The following ERC2 variants were observed in gnomAD, a reference collection of about 807,000 sequenced individuals.
ERC2 encodes ERC protein 2.
A neutral mutation model predicts 114.8 loss-of-function variants in ERC2; 42 were observed. That is an observed-to-expected ratio of 0.37 (90% CI 0.29 to 0.47). The LOEUF is 0.47. Ranked by LOEUF, ERC2 falls within the 20% of genes least tolerant of loss-of-function variation. The pLI is 0.99. For synonymous variants in ERC2, 454 were observed against 425.5 expected (o/e 1.07, Z -0.82); for missense variants, 939 against 1,150.7 (o/e 0.82, Z 2.66).
chr3:56,083,044 G>C (rs776402256), intron 6 of ERC2, among the ~76,000 whole-genome samples: 8 of 152,150 alleles, frequency 5.3e-5, no homozygotes, highest in Admixed American at 2.0e-4. Flanking sequence ...GTGCCAAAAA[G>C]GTTGGGGACT....
intron 3 of ERC2, among the ~76,000 whole-genome samples, chr3:56,241,602 A>G (rs1324562959): frequency 6.6e-6 from 1 of 152,226 alleles, no homozygotes; most frequent in Admixed American, 6.5e-5. Flanking sequence ...AAATTTCTGT[A>G]TATATGATCA....
chr3:56,335,488 TAAGTA>T (rs2057808066), intron 2 of ERC2, among the ~76,000 whole-genome samples: 2 of 152,214 alleles, frequency 1.3e-5, no homozygotes, highest in Admixed American at 6.5e-5. Context: ...TGAGTTCTGA[TAAGTA>T]GCAACTCCAG....
intron 15 of ERC2, among the ~76,000 whole-genome samples, chr3:55,724,658 G>A (rs973068177): frequency 6.6e-6 from 1 of 152,124 alleles, no homozygotes; most frequent in African/African-American, 2.4e-5. Flanking sequence ...AAAAACTGTT[G>A]GTTCCTCACA....
intron 17 of ERC2, among the ~76,000 whole-genome samples, chr3:55,597,525 G>T (rs1206630793): frequency 1.3e-5 from 2 of 151,962 alleles, no homozygotes; most frequent in East Asian, 3.9e-4. Flanking sequence ...TTGTCTTGGT[G>T]TTACCTCCTC....
rs77098715 is a variant in ERC2 at position 55,513,624 on chromosome 3, A to G, written c.*40-2348T>C. Among the ~76,000 whole-genome samples, 86 of 151,222 alleles carry G rather than the reference A, an allele frequency of 5.7e-4. 1 individual carries two copies. In the East Asian group the frequency reaches 0.015, roughly 26 times the overall value. On this transcript the variant is annotated intron_variant, in intron 17 of 17. Transcript: ENST00000288221. ...CAATAGAGCGTGTGTGCATGTATGT[A>G]TATATATATATACATATCTTTTATT...
At chr3:55,517,176 C>T (rs1324248725) in intron 17 of ERC2, among the ~76,000 whole-genome samples, 1 of 152,152 alleles carries the variant, frequency 6.6e-6, no homozygotes, top group African/African-American at 2.4e-5. Flanking sequence ...TGCAATGGCT[C>T]ACGCCTGTAA....
chr3:55,724,209 G>A (rs763498768), intron 15 of ERC2, among the ~76,000 whole-genome samples: 4 of 152,176 alleles, frequency 2.6e-5, no homozygotes, highest in Admixed American at 1.3e-4. Context: ...AGTGGCAACC[G>A]GTGATGTCTG....
chr3:56,244,956 T>C (rs1373335037), intron 3 of ERC2, among the ~76,000 whole-genome samples: 1 of 152,154 alleles, frequency 6.6e-6, no homozygotes, highest in East Asian at 1.9e-4. Flanking sequence ...ACAGATACCA[T>C]TGTGTTACAG....
intron 2 of ERC2, chr3:56,434,035 C>T (rs111254163): frequency 3.0e-6 from 1 of 331,724 alleles, no homozygotes; most frequent in East Asian, 5.5e-5. Flanking sequence ...TACATCTGAA[C>T]AGCTGTTGCA....
At chr3:56,351,507 G>T (rs1198606811) in intron 2 of ERC2, among the ~76,000 whole-genome samples, 4 of 152,062 alleles carry the variant, frequency 2.6e-5, no homozygotes, top group African/African-American at 9.7e-5. Context: ...GGGAAAGAGA[G>T]ACAGAAAGAA....
intron 2 of ERC2, among the ~76,000 whole-genome samples, chr3:56,415,297 A>C (rs1222137860): frequency 6.6e-6 from 1 of 152,222 alleles, no homozygotes; most frequent in Non-Finnish European, 1.5e-5. Context: ...TACACACCCT[A>C]ATATTTATTA....
chr3:55,995,999 G>T (rs1576494392), intron 10 of ERC2, among the ~76,000 whole-genome samples: 1 of 152,110 alleles, frequency 6.6e-6, no homozygotes, highest in Admixed American at 6.6e-5. Context: ...AGCAGCTCCC[G>T]ATAGAGATCA....
intron 14 of ERC2, among the ~76,000 whole-genome samples, chr3:55,767,186 T>C (rs2067858213): frequency 6.6e-6 from 1 of 152,242 alleles, no homozygotes; most frequent in African/African-American, 2.4e-5. Flanking sequence ...GTCATGCAGA[T>C]AAAATGTAAC....
chr3:56,065,710 T>C (rs1399001886), intron 7 of ERC2, among the ~76,000 whole-genome samples: 4 of 151,910 alleles, frequency 2.6e-5, no homozygotes, highest in Admixed American at 1.3e-4. Context: ...CCCCTGCCCC[T>C]ACTGACTGGC....
At chr3:55,637,183 AAACCAATGAT>A (rs2148644136) in intron 17 of ERC2, among the ~76,000 whole-genome samples, 1 of 152,278 alleles carries the variant, frequency 6.6e-6, no homozygotes, top group East Asian at 1.9e-4. Flanking sequence ...TTTCTTTCTC[AAACCAATGAT>A]AGCACTCCTT....
chr3:55,736,678 G>C (rs2065655093), intron 14 of ERC2, among the ~76,000 whole-genome samples: 1 of 152,122 alleles, frequency 6.6e-6, no homozygotes, highest in African/African-American at 2.4e-5. Flanking sequence ...GAAGAGGTAA[G>C]TTCATTTTTT....
chr3:56,217,479 A>C (rs1166288446), intron 3 of ERC2, among the ~76,000 whole-genome samples: 2 of 152,212 alleles, frequency 1.3e-5, no homozygotes, highest in Non-Finnish European at 2.9e-5. Context: ...CTGCTCGACA[A>C]AATAAAAGAG....
intron 13 of ERC2, among the ~76,000 whole-genome samples, chr3:55,895,820 A>G (rs1156513): frequency 0.17 from 26,252 of 152,122 alleles, 2,906 homozygotes; most frequent in Non-Finnish European, 0.22. Flanking sequence ...CCTACCCCAT[A>G]AATCAGTGGT....
intron 17 of ERC2, among the ~76,000 whole-genome samples, chr3:55,637,458 T>G (rs1391734227): frequency 1.3e-5 from 2 of 151,548 alleles, no homozygotes; most frequent in Non-Finnish European, 2.9e-5. Flanking sequence ...AGAAGTGGAG[T>G]TCAGAAGGCA....
Sources: allele counts gnomAD v4.1 joint callset (sites outside exome capture counted in the v4.1 genomes callset), GRCh38; gene constraint gnomAD v4.1.1; transcripts MANE v1.5; gene names NCBI Gene and HGNC (gene_info 2026-07-23, HGNC 2026-07-21).